Variants in YPEL3 observed in about 807,000 individuals in gnomAD.
YPEL3 encodes protein yippee-like 3.
A neutral mutation model predicts 17.5 loss-of-function variants in YPEL3; 5 were observed. The ratio of observed to expected loss-of-function variants is 0.29; its 90% CI spans 0.15 to 0.60. The LOEUF is 0.60. Among genes scored for constraint, YPEL3 ranks in the 20% least tolerant of loss-of-function variants. The probability of loss-of-function intolerance (pLI) is 0.87; values close to 1 mark genes in which losing one functional copy is unlikely to be tolerated. For missense variants in YPEL3, 155 were observed against 211.4 expected (o/e 0.73, Z 1.65); for synonymous variants, 87 against 87.2 (o/e 1.00, Z 0.01).
At position 30,095,297 on chromosome 16, in the gene YPEL3, G is replaced by A. The variant is rs763572638; in HGVS notation, c.186C>T (p.Ala62=). ...LDDCHRRYSC[A]HCRAHLANHD... ...GGTTGGCCAGGTGAGCGCGGCAGTG[G>A]GCACAGCTATACCTCCGGTGACAAT... Residue 62 remains alanine (A), a synonymous_variant, in exon 1 of 4, where the codon GCC becomes GCT. Coordinates refer to ENST00000398841, the MANE Select transcript of YPEL3 (RefSeq NM_031477.5). The surrounding 1 kb of genome is among the most constrained non-coding windows in gnomAD (Gnocchi z 5.4). The A allele has an allele frequency of 6.2e-7, 1 of 1,614,200 alleles. No individual in the cohort carries two copies. Among genetic ancestry groups the A allele is most frequent in the Admixed American group, 1.7e-5 (1 of 60,032 alleles).
At chr16:30,092,873 A>G in intron 3 of YPEL3, 74 bp from the exon 4 acceptor site, 1 of 1,309,038 alleles carries the variant, frequency 7.6e-7, no homozygotes, top group Non-Finnish European at 1.1e-6. Flanking sequence ...GGAAGTGGAC[A>G]TGAGTGGCCC....
At chr16:30,094,516 CA>C (rs1439288685) in intron 3 of YPEL3, 6 of 473,532 alleles carry the variant, frequency 1.3e-5, no homozygotes, top group Non-Finnish European at 1.5e-5. Flanking sequence ...AGGCACACAA[CA>C]GTGCAAGGCA....
rs1297242385 is a variant in YPEL3 at position 30,095,231 on chromosome 16, C to T, written c.231+21G>A. 1 of 1,613,986 alleles carries T rather than the reference C, an allele frequency of 6.2e-7. No homozygotes were observed. The highest frequency in any genetic ancestry group is 8.5e-7 in the Non-Finnish European group (1 of 1,179,946). ...AGGCAGCCCCTATAGGTTCCAGCCC[C>T]ACTGTGGCCTGGTTGGTTACCTTGG... On this transcript the variant is annotated intron_variant, in intron 1 of 3. Coordinates refer to ENST00000398841, the MANE Select transcript of YPEL3 (RefSeq NM_031477.5). The surrounding 1 kb of genome is among the most constrained non-coding windows in gnomAD (Gnocchi z 5.4).
Position 30,095,276 on chromosome 16 carries a change from G to C in YPEL3, c.207C>G (p.Ala69=), listed in dbSNP as rs1259992019. 1 of 1,614,206 alleles carries C rather than the reference G, an allele frequency of 6.2e-7. No homozygotes were observed. Among genetic ancestry groups the C allele is most frequent in the Admixed American group, 1.7e-5 (1 of 60,030 alleles). The stretch of plus-strand genomic sequence containing the variant: ...CCTTGGAGATGAGGTCGTCGTGGTT[G>C]GCCAGGTGAGCGCGGCAGTGGGCAC... ...YSCAHCRAHL[A]NHDDLISKSF... The change falls in exon 1 of 4, where the codon GCC becomes GCG. Residue 69 remains alanine (A), a synonymous_variant. Transcript: ENST00000398841. This position sits in a 1 kb window ranked among gnomAD's most constrained non-coding sequence, Gnocchi z 5.4.
Position 30,095,116 on chromosome 16 carries a change from G to C in YPEL3, c.262C>G (p.Leu88Val). Residue 88 changes from leucine to valine, a missense_variant, in exon 2 of 4, where the codon CTC becomes GTC. Leu to Val is a conservative substitution (Grantham distance 32). This residue lies in a region of YPEL3 where 74 missense variants were observed against 134.9 expected (regional missense o/e 0.55). Coordinates refer to ENST00000398841, the MANE Select transcript of YPEL3 (RefSeq NM_031477.5). The surrounding 1 kb of genome is among the most constrained non-coding windows in gnomAD (Gnocchi z 5.4). ...CCAGATACTCACACTGAGTTGAAGAGGTAGGCACGCCCCTGACTGCCCTGG... is the reference window on the plus strand; with the variant it reads ...CCAGATACTCACACTGAGTTGAAGACGTAGGCACGCCCCTGACTGCCCTGG... ...SFQGSQGRAY[L>V]FNSVVNVGCG... 6.2e-7 allele frequency: 1 copy of C among 1,614,180 alleles called. No homozygotes were observed.
rs1567345908 is a variant in YPEL3, at chr16:30,095,063, C to T, written c.275+40G>A. The T allele has an allele frequency of 1.2e-6, 2 of 1,613,568 alleles. No individual in the cohort carries two copies. Among genetic ancestry groups the T allele is most frequent in the Non-Finnish European group, 1.7e-6 (2 of 1,179,816 alleles). On this transcript the variant is annotated intron_variant, in intron 2 of 3. Transcript: ENST00000398841. The surrounding 1 kb of genome is among the most constrained non-coding windows in gnomAD (Gnocchi z 5.4). ...GGATGCCAGGGGTCACAGGTCACAACAGAGGTCAGGGAAAGCAAGAAGGGA... is the reference window on the plus strand; with the variant it reads ...GGATGCCAGGGGTCACAGGTCACAATAGAGGTCAGGGAAAGCAAGAAGGGA...
In YPEL3 at chr16:30,092,813, CG is replaced by C. The variant is rs2072748118; in HGVS notation, c.385-15del. ...AAAGGCCTGTTCCTGAAAGGAGGGG[CG>C]GGACCGTCATCCCCGGAGCAACAGT... On this transcript the variant is annotated splice_polypyrimidine_tract_variant and intron_variant, in intron 3 of 3. Transcript: ENST00000398841. The C allele has an allele frequency of 6.2e-7, 1 of 1,612,222 alleles. No homozygotes were observed. Among genetic ancestry groups the C allele is most frequent in the Non-Finnish European group, 8.5e-7 (1 of 1,178,338 alleles).
chr16:30,095,026 G>A lies in YPEL3; in HGVS notation c.275+77C>T. The A allele has an allele frequency of 6.2e-7, 1 of 1,606,388 alleles. No individual in the cohort carries two copies. The highest frequency in any genetic ancestry group is 2.2e-5 in the East Asian group (1 of 44,838). On this transcript the variant is annotated intron_variant, in intron 2 of 3. Transcript: ENST00000398841. This position sits in a 1 kb window ranked among gnomAD's most constrained non-coding sequence, Gnocchi z 5.4. ...TTCCTGCCTGCACCGGGGAACTCTG[G>A]GAGTCTCAGCAGGATGCCAGGGGTC...
chr16:30,093,307 G>T (rs2151035345), intron 3 of YPEL3, among the ~76,000 whole-genome samples: 1 of 152,234 alleles, frequency 6.6e-6, no homozygotes, highest in Admixed American at 6.5e-5. Flanking sequence ...TGTCGCCCAG[G>T]CTGGAAGTGC....
In YPEL3 at chr16:30,092,741, T is replaced by G. The variant is rs200869087; in HGVS notation, c.443A>C (p.Asn148Thr). The change falls in exon 4 of 4, where the codon AAC becomes ACC. Residue 148 changes from asparagine (N) to threonine (T), a missense_variant. Physicochemically the swap from Asn to Thr is moderately conservative, Grantham distance 65. This residue lies in a region of YPEL3 where 23 missense variants were observed against 16.4 expected (regional missense o/e 1.40). Coordinates refer to ENST00000398841, the MANE Select transcript of YPEL3 (RefSeq NM_031477.5). ...CCAGCCGTTGTCTTTGATCATGTGG[T>G]TGAGTTCAATGATGTACTTCCCCTC... Reference protein sequence around the residue: ...YKEGKYIIELNHMIKDNGWD With the variant: ...YKEGKYIIELTHMIKDNGWD 90 of 1,614,168 alleles carry G rather than the reference T, an allele frequency of 5.6e-5. No individual in the cohort carries two copies. Among genetic ancestry groups the G allele is most frequent in the Middle Eastern group, 3.3e-4 (2 of 6,062 alleles).
Position 30,095,761 on chromosome 16 carries a change from C to T in YPEL3, c.-279G>A, listed in dbSNP as rs1040692509. On this transcript the variant is annotated 5_prime_UTR_variant, in exon 1 of 4. Coordinates refer to ENST00000398841, the MANE Select transcript of YPEL3 (RefSeq NM_031477.5). This position sits in a 1 kb window ranked among gnomAD's most constrained non-coding sequence, Gnocchi z 5.4. ...GTTCCCAGTTTCGGGGGAGCATGGG[C>T]GGGTAGGCACTGGTTGGTCCTTGCG... 11 of 439,636 alleles carry T rather than the reference C, an allele frequency of 2.5e-5. No homozygotes were observed. In the Admixed American group the frequency reaches 3.1e-4, roughly 12 times the overall value. 27.2% of individuals were successfully genotyped at this position (439,636 alleles called of 1,614,324 possible).
rs2151036273 is a variant in YPEL3 at position 30,095,600 on chromosome 16, A to G, written c.-118T>C. 1.1e-6 allele frequency: 1 copy of G among 919,234 alleles called. No individual in the cohort carries two copies. The highest frequency in any genetic ancestry group is 2.7e-5 in the East Asian group (1 of 37,370). 56.9% of individuals were successfully genotyped at this position (919,234 alleles called of 1,614,324 possible). On this transcript the variant is annotated 5_prime_UTR_variant, in exon 1 of 4. Transcript: ENST00000398841. This position sits in a 1 kb window ranked among gnomAD's most constrained non-coding sequence, Gnocchi z 5.4. Reference sequence around the variant, plus strand: ...GCGTCTCGGTTTTGACTCAGTGAGGAGGCCTCAGGTTGCATCCATGGGGAA... The same window carrying G: ...GCGTCTCGGTTTTGACTCAGTGAGGGGGCCTCAGGTTGCATCCATGGGGAA...
chr16:30,093,414 C>T (rs1435447627), intron 3 of YPEL3, among the ~76,000 whole-genome samples: 1 of 152,162 alleles, frequency 6.6e-6, no homozygotes, highest in African/African-American at 2.4e-5. Context: ...GCGCCCACCA[C>T]CACGCCGAGC....
chr16:30,092,353 G>T lies in YPEL3; in HGVS notation c.*357C>A, dbSNP rs1044634. The T allele has an allele frequency of 7.6e-6, 2 of 263,998 alleles. No homozygotes were observed. Among genetic ancestry groups the T allele is most frequent in the South Asian group, 1.2e-4 (2 of 16,894 alleles). The allele number at this position is 263,998 out of a possible 1,614,324, so 16.4% of individuals were successfully genotyped here. A position where few individuals can be genotyped will look rare whatever the true frequency, so the allele number is the denominator to read the frequency against. ...TGTTTTATTATGTACAAACGCTACA[G>T]AACGAGGGGGACAGACACGCGTGGG... is the stretch of plus-strand genomic sequence containing the variant. On this transcript the variant is annotated 3_prime_UTR_variant, in exon 4 of 4. Transcript: ENST00000398841.
At chr16:30,093,465 TAGTC>T (rs2072759681) in intron 3 of YPEL3, among the ~76,000 whole-genome samples, 1 of 152,136 alleles carries the variant, frequency 6.6e-6, no homozygotes, top group East Asian at 1.9e-4. Flanking sequence ...TTCACCATGT[TAGTC>T]AGGCTGTTCT....
intron 3 of YPEL3, among the ~76,000 whole-genome samples, chr16:30,093,152 C>G (rs2072753727): frequency 6.6e-6 from 1 of 152,220 alleles, no homozygotes; most frequent in African/African-American, 2.4e-5. Flanking sequence ...TATAAGTAGG[C>G]CTTGCTCACT....
chr16:30,093,449 T>C (rs1432878865), intron 3 of YPEL3, among the ~76,000 whole-genome samples: 5 of 152,018 alleles, frequency 3.3e-5, no homozygotes, highest in African/African-American at 9.7e-5. Context: ...TTAGTAGAGA[T>C]GGGGTTTCAC....
In YPEL3 at chr16:30,095,698, A is replaced by G; in HGVS notation, c.-216T>C. On this transcript the variant is annotated 5_prime_UTR_variant, in exon 1 of 4. Coordinates refer to ENST00000398841, the MANE Select transcript of YPEL3 (RefSeq NM_031477.5). This position sits in a 1 kb window ranked among gnomAD's most constrained non-coding sequence, Gnocchi z 5.4. Reference sequence around the variant, plus strand: ...CTCACCCTTGCTGACCTGGCAGCTGAAGCTGGAGGAAGGGGCTTTGGAGGG... The same window carrying G: ...CTCACCCTTGCTGACCTGGCAGCTGGAGCTGGAGGAAGGGGCTTTGGAGGG... 1 of 510,954 alleles carries G rather than the reference A, an allele frequency of 2.0e-6. No individual in the cohort carries two copies. Among genetic ancestry groups the G allele is most frequent in the Non-Finnish European group, 3.4e-6 (1 of 289,942 alleles). 31.7% of individuals were successfully genotyped at this position (510,954 alleles called of 1,614,324 possible). A position where few individuals can be genotyped will look rare whatever the true frequency, so the allele number is the denominator to read the frequency against.
chr16:30,095,011 C>T lies in YPEL3; in HGVS notation c.275+92G>A. On this transcript the variant is annotated intron_variant, in intron 2 of 3. Coordinates refer to ENST00000398841, the MANE Select transcript of YPEL3 (RefSeq NM_031477.5). The surrounding 1 kb of genome is among the most constrained non-coding windows in gnomAD (Gnocchi z 5.4). ...AATGATGCTCACAATTTCCTGCCTG[C>T]ACCGGGGAACTCTGGGAGTCTCAGC... 1.9e-6 allele frequency: 3 copies of T among 1,601,988 alleles called. No homozygotes were observed. Among genetic ancestry groups the T allele is most frequent in the Non-Finnish European group, 2.6e-6 (3 of 1,170,472 alleles).
Sources: gnomAD v4.1 joint callset for allele counts (sites outside exome capture counted in the v4.1 genomes callset) on GRCh38, gnomAD v4.1.1 for gene constraint, gnomAD v4.1.1 regional missense constraint, Gnocchi (gnomAD v3.1) non-coding constraint, MANE v1.5 for transcripts, NCBI Gene and HGNC (gene_info 2026-07-23, HGNC 2026-07-21) for gene names.